FHOD3: variants seen among roughly 807,000 people sequenced by gnomAD.
The protein encoded by FHOD3 is FH1/FH2 domain-containing protein 3.
In FHOD3, 90 loss-of-function variants were observed where a neutral mutation model predicts 173.0. The ratio of observed to expected loss-of-function variants is 0.52; its 90% CI spans 0.44 to 0.62. The LOEUF is 0.62. Ranked by LOEUF, FHOD3 falls within the 20% of genes least tolerant of loss-of-function variation. The pLI is 0.00. For synonymous variants in FHOD3, 828 were observed against 823.0 expected (o/e 1.01, Z -0.10); for missense variants, 1,945 against 2,034.7 (o/e 0.96, Z 0.85).
At chr18:36,684,377 A>G (rs2038459401) in intron 15 of FHOD3, among the ~76,000 whole-genome samples, 1 of 152,218 alleles carries the variant, frequency 6.6e-6, no homozygotes, top group African/African-American at 2.4e-5. Context: ...GAATTAAAAG[A>G]TGGCTAACCA....
chr18:36,763,027 T>G (rs2042957442), intron 27 of FHOD3, among the ~76,000 whole-genome samples: 1 of 130,592 alleles, frequency 7.7e-6, no homozygotes, highest in African/African-American at 2.7e-5. Context: ...ATTATACACT[T>G]TATATATAAT....
rs562444391 is a variant in FHOD3 at position 36,636,035 on chromosome 18, C to T, written c.1196+10286C>T. Among the ~76,000 whole-genome samples, 3 of 152,292 alleles carry T rather than the reference C, an allele frequency of 2.0e-5. No homozygotes were observed. In the East Asian group the frequency reaches 5.8e-4, roughly 29 times the overall value. On this transcript the variant is annotated intron_variant, in intron 10 of 28. Coordinates refer to ENST00000590592, the MANE Select transcript of FHOD3 (RefSeq NM_001281740.3). ...TATGGGAATGGAAGCGAACATACCT[C>T]AGATGGAAAGGTTCAAGTTCCTAGT...
chr18:36,664,775 T>TGAGAGAGAGA (rs2037046044), intron 14 of FHOD3, among the ~76,000 whole-genome samples: 4 of 73,744 alleles, frequency 5.4e-5, no homozygotes, highest in Middle Eastern at 6.0e-3. Flanking sequence ...TGTGTGTGTA[T>TGAGAGAGAGA]GTGAGAGAGA....
At position 36,699,644 on chromosome 18, in the gene FHOD3, C is replaced by G. The variant is rs147415876; in HGVS notation, c.2236+6221C>G. 4.5e-3 allele frequency among the ~76,000 whole-genome samples: 682 copies of G among 152,344 alleles called. 7 individuals are homozygous for G. Among genetic ancestry groups the G allele is most frequent in the South Asian group, 0.031 (150 of 4,828 alleles). The stretch of plus-strand genomic sequence containing the variant: ...TACTCTGCTATCTCCACCACTCCCC[C>G]TTTCCCTTCAGCAGCCCTGCTTTCC... On this transcript the variant is annotated intron_variant, in intron 17 of 28. Transcript: ENST00000590592.
intron 3 of FHOD3, among the ~76,000 whole-genome samples, chr18:36,385,911 A>G (rs2048009258): frequency 6.6e-6 from 1 of 152,234 alleles, no homozygotes; most frequent in Non-Finnish European, 1.5e-5. Context: ...TCCTGAGTGC[A>G]CATGACCAGG....
intron 10 of FHOD3, among the ~76,000 whole-genome samples, chr18:36,639,149 TAG>T (rs2035101372): frequency 1.3e-5 from 2 of 152,214 alleles, no homozygotes; most frequent in African/African-American, 4.8e-5. Flanking sequence ...GGACTATGCT[TAG>T]TTCCTGCTGT....
chr18:36,559,618 C>T (rs1244193748), intron 5 of FHOD3, among the ~76,000 whole-genome samples: 2 of 152,122 alleles, frequency 1.3e-5, no homozygotes, highest in Non-Finnish European at 2.9e-5. Context: ...TTTTTCCCTC[C>T]TTGTGTAAGG....
chr18:36,419,820 T>C (rs1334860000), intron 3 of FHOD3, among the ~76,000 whole-genome samples: 1 of 152,236 alleles, frequency 6.6e-6, no homozygotes. Flanking sequence ...AAGTGCGCTC[T>C]CTTTTATCCT....
chr18:36,306,942 A>T (rs543194), intron 1 of FHOD3, among the ~76,000 whole-genome samples: 10 of 152,208 alleles, frequency 6.6e-5, no homozygotes, highest in African/African-American at 2.4e-4. Context: ...GCCTTGGAGT[A>T]TAGCCTTTCC....
chr18:36,730,656 C>G lies in FHOD3; in HGVS notation c.3428C>G (p.Ala1143Gly), dbSNP rs1317232283. Reference protein sequence around the residue: ...KELSVSKKTAADGKRQEIIVL... With the variant: ...KELSVSKKTAGDGKRQEIIVL... The stretch of plus-strand genomic sequence containing the variant: ...TTTTTTATCACTAAGAAAACTGCTG[C>G]AGATGGAAAAAGGCAAGAGATCATT... Residue 1143 changes from alanine to glycine, a missense_variant, in exon 20 of 29, where the codon GCA becomes GGA. Ala to Gly is a moderately conservative substitution (Grantham distance 60, BLOSUM62 0). Transcript: ENST00000590592. 6.2e-6 allele frequency: 10 copies of G among 1,611,982 alleles called. No homozygotes were observed. Among genetic ancestry groups the G allele is most frequent in the African/African-American group, 1.3e-5 (1 of 74,836 alleles).
intron 19 of FHOD3, among the ~76,000 whole-genome samples, chr18:36,726,726 G>C (rs527398898): frequency 1.3e-5 from 2 of 152,002 alleles, no homozygotes; most frequent in African/African-American, 4.8e-5. Context: ...CCAGGCTGGA[G>C]TGCAGTGGCG....
intron 1 of FHOD3, among the ~76,000 whole-genome samples, chr18:36,336,878 A>AGAC (rs2045345371): frequency 1.4e-5 from 2 of 144,726 alleles, no homozygotes; most frequent in Non-Finnish European, 3.0e-5. Context: ...AAAAAAAGGA[A>AGAC]ATTAATTTCT....
rs777837416 is a variant in FHOD3 at position 36,718,001 on chromosome 18, G to A, written c.2703G>A (p.Ala901=). The A allele has an allele frequency of 4.4e-5, 71 of 1,611,374 alleles. No homozygotes were observed. Among genetic ancestry groups the A allele is most frequent in the Non-Finnish European group, 5.0e-5 (59 of 1,178,774 alleles). The part of the protein sequence containing the change: ...EAGRTQQEAE[A]VASLATRIST... ...GGAGGACCCAGCAGGAGGCAGAGGC[G>A]GTAGCCAGCCTTGCTACCAGGATAT... The change falls in exon 19 of 29, where the codon GCG becomes GCA. Residue 901 remains alanine, a synonymous_variant. Coordinates refer to ENST00000590592, the MANE Select transcript of FHOD3 (RefSeq NM_001281740.3).
chr18:36,569,785 T>C (rs1385942179), intron 5 of FHOD3, among the ~76,000 whole-genome samples: 1 of 152,120 alleles, frequency 6.6e-6, no homozygotes, highest in East Asian at 1.9e-4. Flanking sequence ...AGAACATGAA[T>C]ATGTCCAAAC....
chr18:36,418,653 C>T (rs1473726387), intron 3 of FHOD3, among the ~76,000 whole-genome samples: 1 of 152,070 alleles, frequency 6.6e-6, no homozygotes, highest in Non-Finnish European at 1.5e-5. Context: ...TGGCTCACAC[C>T]TACAACCCCA....
intron 24 of FHOD3, among the ~76,000 whole-genome samples, chr18:36,751,974 A>C (rs905543396): frequency 2.6e-5 from 4 of 152,194 alleles, no homozygotes; most frequent in African/African-American, 9.6e-5. Context: ...AAGAAGGTTA[A>C]TTGACTCACA....
At chr18:36,489,994 G>T (rs1161453217) in intron 3 of FHOD3, among the ~76,000 whole-genome samples, 1 of 152,186 alleles carries the variant, frequency 6.6e-6, no homozygotes, top group Non-Finnish European at 1.5e-5. Context: ...CTGCCTCGGG[G>T]CAGTTGTACT....
chr18:36,347,439 CT>C (rs2045927861), intron 1 of FHOD3, among the ~76,000 whole-genome samples: 2 of 152,240 alleles, frequency 1.3e-5, no homozygotes, highest in South Asian at 4.2e-4. Flanking sequence ...GAGCTGGACT[CT>C]TTTGTTGACT....
intron 9 of FHOD3, among the ~76,000 whole-genome samples, chr18:36,619,580 A>G (rs2033530830): frequency 1.3e-5 from 2 of 152,128 alleles, no homozygotes; most frequent in African/African-American, 2.4e-5. Context: ...TGCCTGAAGT[A>G]TTGCACTATC....
Sources: allele counts gnomAD v4.1 joint callset (sites outside exome capture counted in the v4.1 genomes callset), GRCh38; gene constraint gnomAD v4.1.1; transcripts MANE v1.5; gene names NCBI Gene and HGNC (gene_info 2026-07-23, HGNC 2026-07-21).